The following ENOPH1 variants were observed in gnomAD, a reference collection of about 807,000 sequenced individuals.
ENOPH1 encodes enolase-phosphatase E1.
A neutral mutation model predicts 31.1 loss-of-function variants in ENOPH1; 14 were observed. That is an observed-to-expected ratio of 0.45 (90% confidence interval 0.30 to 0.70). ENOPH1 has a LOEUF of 0.70. ENOPH1 is among the 30% of genes least tolerant of loss of function. The pLI, the probability that ENOPH1 is intolerant of heterozygous loss-of-function variation, is 0.09. For synonymous variants in ENOPH1, 127 were observed against 123.2 expected, an observed-to-expected ratio of 1.03 and a Z score of -0.21; for missense variants, 243 against 321.5, an observed-to-expected ratio of 0.76 and a Z score of 1.87.
Position 82,447,933 on chromosome 4 carries a change from C to G in ENOPH1, c.98C>G (p.Pro33Arg). 6.2e-7 allele frequency: 1 copy of G among 1,603,508 alleles called. No individual in the cohort carries two copies. The highest frequency in any genetic ancestry group is 1.1e-5 in the South Asian group (1 of 89,450). Residue 33 changes from proline (P) to arginine (R), a missense_variant, in exon 2 of 6, where the codon CCT (proline) becomes CGT (arginine). By Grantham distance (103) the Pro-to-Arg change is moderately radical. Transcript: ENST00000273920. ...PIAFVKDILF[P>R]YIEENVKEYL... ...TCTTTTATCCAGGACATTTTATTTC[C>G]TTACATCGAAGAAAATGTTAAAGAG...
At chr4:82,434,120 A>G (rs1721844339) in intron 1 of ENOPH1, among the ~76,000 whole-genome samples, 1 of 152,138 alleles carries the variant, frequency 6.6e-6, no homozygotes, top group Non-Finnish European at 1.5e-5. Context: ...TGGGATTTGA[A>G]CTCAGATTGT....
Position 82,460,177 on chromosome 4 carries a change from G to C in ENOPH1, c.*57G>C. 1 of 1,572,358 alleles carries C rather than the reference G, an allele frequency of 6.4e-7. No individual in the cohort carries two copies. Among genetic ancestry groups the C allele is most frequent in the East Asian group, 2.2e-5 (1 of 44,550 alleles). ...CCCAGAGTTGTCCCTGTAGTGTCTAGGTTTATTCTAATGGTAAAAGTAACT... is the reference window on the plus strand; with the variant it reads ...CCCAGAGTTGTCCCTGTAGTGTCTACGTTTATTCTAATGGTAAAAGTAACT... On this transcript the variant is annotated 3_prime_UTR_variant, in exon 6 of 6. Coordinates refer to ENST00000273920, the MANE Select transcript of ENOPH1 (RefSeq NM_021204.5).
chr4:82,437,841 C>T (rs914543653), intron 1 of ENOPH1, among the ~76,000 whole-genome samples: 3 of 152,192 alleles, frequency 2.0e-5, no homozygotes, highest in Non-Finnish European at 2.9e-5. Flanking sequence ...GATATGCATT[C>T]CGGAATGGGT....
chr4:82,446,325 G>A (rs1244947979), intron 1 of ENOPH1, among the ~76,000 whole-genome samples: 1 of 151,958 alleles, frequency 6.6e-6, no homozygotes, highest in Non-Finnish European at 1.5e-5. Flanking sequence ...GGCTGAGGCA[G>A]GACAATCTCT....
At chr4:82,457,170 A>C (rs1722512063) in intron 5 of ENOPH1, 132 bp downstream of exon 5, 7 of 880,916 alleles carry the variant, frequency 7.9e-6, no homozygotes, top group Non-Finnish European at 1.1e-5. Context: ...GTTTTATATA[A>C]AGAAACAGTG....
intron 5 of ENOPH1, among the ~76,000 whole-genome samples, chr4:82,457,384 C>A (rs528446254): frequency 1.3e-5 from 2 of 152,094 alleles, no homozygotes; most frequent in Middle Eastern, 3.2e-3. Context: ...TATGATGGCT[C>A]ACTCCTGTGG....
chr4:82,446,342 C>T (rs1188130310), intron 1 of ENOPH1, among the ~76,000 whole-genome samples: 4 of 151,312 alleles, frequency 2.6e-5, no homozygotes, highest in African/African-American at 4.9e-5. Flanking sequence ...CTCTTGAACT[C>T]GGGAGGCGGA....
At chr4:82,456,061 T>C (rs1299677109) in intron 4 of ENOPH1, among the ~76,000 whole-genome samples, 1 of 152,002 alleles carries the variant, frequency 6.6e-6, no homozygotes, top group East Asian at 1.9e-4. Flanking sequence ...ATACAACTTC[T>C]TTTCTGCTCT....
In ENOPH1 at chr4:82,451,086, C is replaced by A; in HGVS notation, c.230C>A (p.Ala77Glu). ...AHLDGAVPIPAASGNGVDDLQ... is the reference protein window; with the variant it reads ...AHLDGAVPIPEASGNGVDDLQ... ...CTGGATGGGGCTGTTCCTATCCCTG[C>A]AGCATCTGGGAATGGAGTGGATGAT... The change falls in exon 3 of 6, where the codon GCA becomes GAA. Residue 77 changes from alanine (A) to glutamate (E), a missense_variant. By Grantham distance (107) the Ala-to-Glu change is moderately radical (BLOSUM62 -1). Transcript: ENST00000273920. 1 of 1,614,182 alleles carries A rather than the reference C, an allele frequency of 6.2e-7. No homozygotes were observed. The highest frequency in any genetic ancestry group is 8.5e-7 in the Non-Finnish European group (1 of 1,180,028).
intron 1 of ENOPH1, among the ~76,000 whole-genome samples, chr4:82,433,532 T>G (rs1441862427): frequency 6.6e-6 from 1 of 152,202 alleles, no homozygotes; most frequent in Non-Finnish European, 1.5e-5. Context: ...TAATCTATTA[T>G]TATAATTTGT....
intron 2 of ENOPH1, among the ~76,000 whole-genome samples, chr4:82,448,917 G>C (rs893081233): frequency 2.0e-5 from 3 of 151,404 alleles, no homozygotes; most frequent in African/African-American, 7.3e-5. Flanking sequence ...AATTAGCCGG[G>C]CGTAGTGGCC....
At chr4:82,454,568 T>A (rs1722434057) in intron 3 of ENOPH1, among the ~76,000 whole-genome samples, 154 bp from the exon 4 acceptor site, 1 of 152,196 alleles carries the variant, frequency 6.6e-6, no homozygotes, top group African/African-American at 2.4e-5. Context: ...GGGCAGTATG[T>A]TTATTAGAAC....
At position 82,460,671 on chromosome 4, in the gene ENOPH1, T is replaced by G. The variant is rs1361596713; in HGVS notation, c.*551T>G. ...AATTGGGAAAGAAAACTCACTTGAG[T>G]CTTGATCAAACAAGTGTCTTTTACT... On this transcript the variant is annotated 3_prime_UTR_variant, in exon 6 of 6. Coordinates refer to ENST00000273920, the MANE Select transcript of ENOPH1 (RefSeq NM_021204.5). The G allele has an allele frequency of 6.6e-6, 1 of 152,252 alleles. No homozygotes were observed. The highest frequency in any genetic ancestry group is 1.5e-5 in the Non-Finnish European group (1 of 68,088). 9.4% of individuals were successfully genotyped at this position (152,252 alleles called of 1,614,324 possible). A position where few individuals can be genotyped will look rare whatever the true frequency, so the allele number is the denominator to read the frequency against.
chr4:82,445,381 G>A (rs1722149508), intron 1 of ENOPH1, among the ~76,000 whole-genome samples: 1 of 152,186 alleles, frequency 6.6e-6, no homozygotes, highest in Admixed American at 6.6e-5. Flanking sequence ...ATTATTTCAT[G>A]TACATACTTT....
chr4:82,432,470 C>T (rs1327784254), intron 1 of ENOPH1, among the ~76,000 whole-genome samples: 6 of 152,110 alleles, frequency 3.9e-5, no homozygotes, highest in Non-Finnish European at 8.8e-5. Flanking sequence ...GCAGCCTCTC[C>T]AGTAGCTGGG....
chr4:82,459,799 C>T (rs1190226088), intron 5 of ENOPH1, among the ~76,000 whole-genome samples, 182 bp from the exon 6 acceptor site: 1 of 152,118 alleles, frequency 6.6e-6, no homozygotes, highest in Non-Finnish European at 1.5e-5. Flanking sequence ...AAAATTAAAA[C>T]ATACATAAAA....
intron 2 of ENOPH1, among the ~76,000 whole-genome samples, chr4:82,450,290 T>C (rs1201484373): frequency 6.6e-6 from 1 of 152,222 alleles, no homozygotes; most frequent in Non-Finnish European, 1.5e-5. Context: ...CAAAACCAAT[T>C]TTTTCTCCAC....
chr4:82,460,050 C>T lies in ENOPH1; in HGVS notation c.716C>T (p.Thr239Ile). ...GTGAGACCAGGCAACGCAGGATTAACAGATGATGAGAAGACTTACTACAGC... is the reference window on the plus strand; with the variant it reads ...GTGAGACCAGGCAACGCAGGATTAATAGATGATGAGAAGACTTACTACAGC... ...VVVRPGNAGLTDDEKTYYSLI... is the reference protein window; with the variant it reads ...VVVRPGNAGLIDDEKTYYSLI... The change falls in exon 6 of 6, where the codon ACA becomes ATA. Residue 239 changes from threonine to isoleucine, a missense_variant. By Grantham distance (89) the Thr-to-Ile change is moderately conservative (BLOSUM62 -1). Transcript: ENST00000273920. 1 of 1,614,146 alleles carries T rather than the reference C, an allele frequency of 6.2e-7. No individual in the cohort carries two copies. Among genetic ancestry groups the T allele is most frequent in the Middle Eastern group, 1.7e-4 (1 of 6,048 alleles).
At chr4:82,444,303 C>G (rs1019992062) in intron 1 of ENOPH1, among the ~76,000 whole-genome samples, 1 of 151,728 alleles carries the variant, frequency 6.6e-6, no homozygotes, top group African/African-American at 2.4e-5. Flanking sequence ...CTCACTACAA[C>G]CTCCGCCTCC....
Sources: allele counts gnomAD v4.1 joint callset (sites outside exome capture counted in the v4.1 genomes callset), GRCh38; gene constraint gnomAD v4.1.1; transcripts MANE v1.5; gene names NCBI Gene and HGNC (gene_info 2026-07-23, HGNC 2026-07-21).